CILP2: variants seen among roughly 807,000 people sequenced by gnomAD.
CILP2 encodes the protein CILP-2.
In CILP2, 38 loss-of-function variants were observed where a neutral mutation model predicts 45.6. That is an observed-to-expected ratio of 0.83 (90% CI 0.64 to 1.09). The LOEUF (loss-of-function observed/expected upper bound fraction) is 1.09. Ranked by LOEUF, CILP2 falls within the 50% of genes least tolerant of loss-of-function variation. The pLI, the probability that CILP2 is intolerant of heterozygous loss-of-function variation, is 0.00. For missense variants in CILP2, 1,735 were observed against 1,662.2 expected (o/e 1.04, Z -0.76); for synonymous variants, 780 against 723.5 (o/e 1.08, Z -1.25).
chr19:19,544,656 G>A lies in CILP2; in HGVS notation c.2111G>A (p.Gly704Asp). Residue 704 changes from glycine to aspartate, a missense_variant, in exon 8 of 8, where the codon GGC (glycine) becomes GAC (aspartate). By Grantham distance (94) the Gly-to-Asp change is moderately conservative. Coordinates refer to ENST00000291495, the MANE Select transcript of CILP2 (RefSeq NM_153221.2). ...ESGFRREGSS[G>D]PRVRREERVF... ...GGCTTCCGGCGCGAGGGGTCCTCGG[G>A]CCCCCGGGTGCGCCGGGAGGAGCGC... 2.6e-6 allele frequency: 4 copies of A among 1,553,302 alleles called. No homozygotes were observed. The highest frequency in any genetic ancestry group is 3.5e-6 in the Non-Finnish European group (4 of 1,157,764).
rs199719316 is a variant in CILP2, at chr19:19,538,318, C to G, written c.-32C>G. The G allele has an allele frequency of 1.5e-4, 232 of 1,558,270 alleles. No homozygotes were observed. The African/African-American group carries it at 3.1e-3, about 21-fold the overall frequency. On this transcript the variant is annotated 5_prime_UTR_variant, in exon 1 of 8. Transcript: ENST00000291495. Reference sequence around the variant, plus strand: ...GTTGGACCCGAGCACGCCGCGGAGCCCGGACCCTCCCTCGGACGCTCTGCC... The same window carrying G: ...GTTGGACCCGAGCACGCCGCGGAGCGCGGACCCTCCCTCGGACGCTCTGCC...
chr19:19,544,897 G>T lies in CILP2; in HGVS notation c.2352G>T (p.Ala784=). 6.3e-7 allele frequency: 1 copy of T among 1,589,268 alleles called. No individual in the cohort carries two copies. Among genetic ancestry groups the T allele is most frequent in the East Asian group, 2.2e-5 (1 of 44,688 alleles). ...NPRAWGRFDS[A]VTGPNGACLP... ...GTGCCTGGGGCCGCTTTGACAGCGCGGTCACCGGCCCCAATGGCGCCTGCC... is the reference window on the plus strand; with the variant it reads ...GTGCCTGGGGCCGCTTTGACAGCGCTGTCACCGGCCCCAATGGCGCCTGCC... The change falls in exon 8 of 8, where the codon GCG becomes GCT. Residue 784 remains alanine (A), a synonymous_variant. Coordinates refer to ENST00000291495, the MANE Select transcript of CILP2 (RefSeq NM_153221.2).
intron 5 of CILP2, 64 bp downstream of exon 5, chr19:19,542,714 C>A (rs1315568373): frequency 6.7e-7 from 1 of 1,483,024 alleles, no homozygotes; most frequent in African/African-American, 1.6e-5. Flanking sequence ...TTCTAGCACT[C>A]GATCAAGAGA....
chr19:19,540,575 C>T (rs901682790), intron 3 of CILP2, 99 bp downstream of exon 3: 7 of 1,155,808 alleles, frequency 6.1e-6, no homozygotes, highest in Non-Finnish European at 7.9e-6. Flanking sequence ...GGGGCAGGAC[C>T]GTGTGGGTGT....
intron 4 of CILP2, 137 bp downstream of exon 4, chr19:19,541,383 C>A: frequency 1.2e-6 from 1 of 814,682 alleles, no homozygotes; most frequent in Non-Finnish European, 1.6e-6. Context: ...TGAGCGATGC[C>A]TAGAGGGGAG....
chr19:19,544,126 C>T lies in CILP2; in HGVS notation c.1581C>T (p.Pro527=), dbSNP rs142824079. Reference sequence around the variant, plus strand: ...GGCTGGTGGTGACTTTTGTGGACCCCAGCGGTGAGTTCATGGACGCTGTCC... The same window carrying T: ...GGCTGGTGGTGACTTTTGTGGACCCTAGCGGTGAGTTCATGGACGCTGTCC... ...TQRLVVTFVD[P]SGEFMDAVRV... Residue 527 remains proline (P), a synonymous_variant, in exon 8 of 8, where the codon CCC becomes CCT. Coordinates refer to ENST00000291495, the MANE Select transcript of CILP2 (RefSeq NM_153221.2). The T allele has an allele frequency of 3.2e-5, 51 of 1,613,940 alleles. No homozygotes were observed. The African/African-American group carries it at 4.8e-4, about 15-fold the overall frequency.
chr19:19,539,581 G>GGGA (rs976199672), intron 1 of CILP2, 98 bp from the exon 2 acceptor site: 4 of 522,434 alleles, frequency 7.7e-6, no homozygotes, highest in Non-Finnish European at 1.2e-5. Context: ...AAAAAAAAAA[G>GGGA]GGGGGGGATG....
intron 7 of CILP2, 30 bp from the exon 8 acceptor site, chr19:19,543,651 C>A: frequency 6.4e-7 from 1 of 1,568,296 alleles, no homozygotes; most frequent in Non-Finnish European, 8.7e-7. Flanking sequence ...CTCCTCCCTG[C>A]CCTGACCTGC....
In CILP2 at chr19:19,544,131, G is replaced by A; in HGVS notation, c.1586G>A (p.Gly529Asp). ...GTGGTGACTTTTGTGGACCCCAGCG[G>A]TGAGTTCATGGACGCTGTCCGGGTC... ...RLVVTFVDPS[G>D]EFMDAVRVLP... is the part of the protein sequence containing the mutation. Residue 529 changes from glycine (G) to aspartate (D), a missense_variant, in exon 8 of 8, where the codon GGT becomes GAT. Transcript: ENST00000291495. 1.2e-6 allele frequency: 2 copies of A among 1,613,946 alleles called. No homozygotes were observed. The highest frequency in any genetic ancestry group is 1.7e-6 in the Non-Finnish European group (2 of 1,180,040).
At chr19:19,539,291 C>T (rs1455609483) in intron 1 of CILP2, among the ~76,000 whole-genome samples, 1 of 152,094 alleles carries the variant, frequency 6.6e-6, no homozygotes. Flanking sequence ...GGGCCAAGCA[C>T]GGTGGCTCAC....
Position 19,544,578 on chromosome 19 carries a change from C to A in CILP2, c.2033C>A (p.Ala678Asp), listed in dbSNP as rs773763304. The change falls in exon 8 of 8, where the codon GCC becomes GAC. Residue 678 changes from alanine to aspartate, a missense_variant. Coordinates refer to ENST00000291495, the MANE Select transcript of CILP2 (RefSeq NM_153221.2). ...SQIHMPGHVE[A>D]LKLWSLNPET... is the part of the protein sequence containing the mutation. Reference sequence around the variant, plus strand: ...ATCCACATGCCAGGCCACGTGGAGGCCCTCAAGCTGTGGTCGCTGAACCCC... The same window carrying A: ...ATCCACATGCCAGGCCACGTGGAGGACCTCAAGCTGTGGTCGCTGAACCCC... 201 of 1,576,512 alleles carry A rather than the reference C, an allele frequency of 1.3e-4. No individual in the cohort carries two copies. Among genetic ancestry groups the A allele is most frequent in the Non-Finnish European group, 1.6e-4 (182 of 1,167,570 alleles).
chr19:19,543,166 C>T (rs939810981), intron 6 of CILP2, 82 bp from the exon 7 acceptor site: 3 of 1,465,612 alleles, frequency 2.0e-6, no homozygotes, highest in Non-Finnish European at 2.8e-6. Flanking sequence ...GGCAAAGCCT[C>T]TCTGCAGCTC....
At position 19,543,772 on chromosome 19, in the gene CILP2, C is replaced by G; in HGVS notation, c.1227C>G (p.Tyr409Ter). 6.2e-7 allele frequency: 1 copy of G among 1,613,970 alleles called. No individual in the cohort carries two copies. The highest frequency in any genetic ancestry group is 1.1e-5 in the South Asian group (1 of 91,060). Residue 409 changes from tyrosine to a stop codon, truncating the protein, a stop_gained, in exon 8 of 8, where the codon TAC (tyrosine) becomes TAG (stop). Coordinates refer to ENST00000291495, the MANE Select transcript of CILP2 (RefSeq NM_153221.2). LOFTEE classifies it low-confidence loss of function (END_TRUNC). The part of the protein sequence containing the change: ...DCGQPGSGPA[Y>*]LDVGLCPDTR... ...GTCAGCCAGGTAGTGGCCCTGCCTA[C>G]CTGGATGTGGGCCTCTGTCCCGACA...
intron 4 of CILP2, 72 bp from the exon 5 acceptor site, chr19:19,542,303 T>C (rs2061247345): frequency 2.6e-6 from 4 of 1,517,674 alleles, no homozygotes; most frequent in African/African-American, 1.4e-5. Context: ...GAGTGACTGA[T>C]TGAATGGAAA....
chr19:19,543,919 G>A lies in CILP2; in HGVS notation c.1374G>A (p.Lys458=). 1 of 1,613,676 alleles carries A rather than the reference G, an allele frequency of 6.2e-7. No individual in the cohort carries two copies. ...GCCCTGGCTACGTCCTCCCAGTGAAGGTGGTGGCAGAGTGTGGCTGCCAGA... is the reference window on the plus strand; with the variant it reads ...GCCCTGGCTACGTCCTCCCAGTGAAAGTGGTGGCAGAGTGTGGCTGCCAGA... ...IHCPGYVLPV[K]VVAECGCQKC... The change falls in exon 8 of 8, where the codon AAG becomes AAA. Residue 458 remains lysine (K), a synonymous_variant. Coordinates refer to ENST00000291495, the MANE Select transcript of CILP2 (RefSeq NM_153221.2).
chr19:19,545,869 G>T lies in CILP2; in HGVS notation c.3324G>T (p.Pro1108=), dbSNP rs539663279. ...TCACCTTCCAGTGCCGGGAGCCACC[G>T]GCCGGACGACCCAGCCTCTTCCAGA... ...TAVTFQCREP[P]AGRPSLFQRL... Residue 1108 remains proline, a synonymous_variant, in exon 8 of 8, where the codon CCG becomes CCT. Coordinates refer to ENST00000291495, the MANE Select transcript of CILP2 (RefSeq NM_153221.2). The T allele has an allele frequency of 1.2e-5, 19 of 1,587,594 alleles. No individual in the cohort carries two copies. Among genetic ancestry groups the T allele is most frequent in the African/African-American group, 6.7e-5 (5 of 74,290 alleles).
At position 19,542,806 on chromosome 19, in the gene CILP2, G is replaced by A. The variant is rs193028137; in HGVS notation, c.869-58G>A. On this transcript the variant is annotated intron_variant, in intron 5 of 7. Coordinates refer to ENST00000291495, the MANE Select transcript of CILP2 (RefSeq NM_153221.2). ...CTGGGAGAAAGGAGAGGATGGGGAC[G>A]TTGCTCCTAGGAAGGGTGGGTGGGA... 1.7e-4 allele frequency: 261 copies of A among 1,554,238 alleles called. No individual in the cohort carries two copies. In the African/African-American group the frequency reaches 2.8e-3, roughly 17 times the overall value.
rs2061229921 is a variant in CILP2, at chr19:19,538,285, C to T, written c.-65C>T. 7 of 1,469,440 alleles carry T rather than the reference C, an allele frequency of 4.8e-6. No homozygotes were observed. The highest frequency in any genetic ancestry group is 5.5e-6 in the Non-Finnish European group (6 of 1,092,706). 91.0% of individuals were successfully genotyped at this position (1,469,440 alleles called of 1,614,324 possible). On this transcript the variant is annotated 5_prime_UTR_variant, in exon 1 of 8. Transcript: ENST00000291495. ...CTCTCAGTCCCAGCGGCCGCCAGACCCGCCGGAGTTGGACCCGAGCACGCC... is the reference window on the plus strand; with the variant it reads ...CTCTCAGTCCCAGCGGCCGCCAGACTCGCCGGAGTTGGACCCGAGCACGCC...
chr19:19,545,910 C>G lies in CILP2; in HGVS notation c.3365C>G (p.Pro1122Arg). The G allele has an allele frequency of 1.9e-6, 3 of 1,580,166 alleles. No homozygotes were observed. The highest frequency in any genetic ancestry group is 1.8e-5 in the Admixed American group (1 of 57,138). The change falls in exon 8 of 8, where the codon CCG becomes CGG. Residue 1122 changes from proline to arginine, a missense_variant. Coordinates refer to ENST00000291495, the MANE Select transcript of CILP2 (RefSeq NM_153221.2). ...CTCTTCCAGAGGCTGCTGGAGTCCCCGGCGACAGCACTTGGTGACATCCGC... is the reference window on the plus strand; with the variant it reads ...CTCTTCCAGAGGCTGCTGGAGTCCCGGGCGACAGCACTTGGTGACATCCGC... Reference protein sequence around the residue: ...PSLFQRLLESPATALGDIRRE... With the variant: ...PSLFQRLLESRATALGDIRRE...
Sources: allele counts gnomAD v4.1 joint callset (sites outside exome capture counted in the v4.1 genomes callset), GRCh38; gene constraint gnomAD v4.1.1; transcripts MANE v1.5; gene names NCBI Gene and HGNC (gene_info 2026-07-23, HGNC 2026-07-21).